DYNLT2B: variants seen among roughly 807,000 people sequenced by gnomAD.
DYNLT2B encodes the protein dynein light chain Tctex-type 2B.
DYNLT2B carries 14 observed loss-of-function variants against 19.5 expected under a neutral mutation model. The observed-to-expected ratio is 0.72, with a 90% CI of 0.47 to 1.12. The LOEUF (loss-of-function observed/expected upper bound fraction) is 1.12. Among genes scored for constraint, DYNLT2B ranks in the 50% most tolerant of loss-of-function variants. The pLI, the probability that DYNLT2B is intolerant of heterozygous loss-of-function variation, is 0.00. For synonymous variants in DYNLT2B, 70 were observed against 59.7 expected (o/e 1.17, Z -0.79); for missense variants, 133 against 174.7 (o/e 0.76, Z 1.35).
chr3:196,310,242 T>C (rs374973934), intron 2 of DYNLT2B, among the ~76,000 whole-genome samples: 140 of 151,150 alleles, frequency 9.3e-4, no homozygotes, highest in African/African-American at 3.0e-3. Context: ...GTTGGGATTA[T>C]AGGCATGCGC....
At chr3:196,305,011 T>C (rs891156247) in intron 3 of DYNLT2B, among the ~76,000 whole-genome samples, 1 of 152,110 alleles carries the variant, frequency 6.6e-6, no homozygotes, top group African/African-American at 2.4e-5. Context: ...GTCTCTCAAG[T>C]AGCTGGGACC....
At chr3:196,297,856 C>T (rs1220173234) in intron 3 of DYNLT2B, among the ~76,000 whole-genome samples, 2 of 151,980 alleles carry the variant, frequency 1.3e-5, no homozygotes, top group African/African-American at 4.8e-5. Flanking sequence ...TATATTGGTT[C>T]TTTTTTTTCC....
Position 196,296,031 on chromosome 3 carries a change from TTGTCAG to T in DYNLT2B, c.350_355del (p.Thr117_Asp118del). 1.2e-6 allele frequency: 2 copies of T among 1,614,080 alleles called. No individual in the cohort carries two copies. The highest frequency in any genetic ancestry group is 1.7e-6 in the Non-Finnish European group (2 of 1,179,972). The stretch of plus-strand genomic sequence containing the variant: ...ATTCATGAAAACATCATGAGTATAG[TTGTCAG>T]TGTCAGCATCCCAGAAACAGCGAGA... On this transcript the variant is annotated inframe_deletion, in exon 4 of 5. Coordinates refer to ENST00000325318, the MANE Select transcript of DYNLT2B (RefSeq NM_152773.5).
At chr3:196,297,152 C>G (rs966286065) in intron 3 of DYNLT2B, among the ~76,000 whole-genome samples, 4 of 151,908 alleles carry the variant, frequency 2.6e-5, no homozygotes, top group Non-Finnish European at 5.9e-5. Context: ...TGCACTCCAG[C>G]CTGGGAGACA....
At chr3:196,291,431 T>C in intron 4 of DYNLT2B, 57 bp from the exon 5 acceptor site, 2 of 1,550,354 alleles carry the variant, frequency 1.3e-6, no homozygotes, top group Non-Finnish European at 1.8e-6. Flanking sequence ...AAAGAGGGAA[T>C]GAGAGCAGCA....
chr3:196,318,142 G>A lies in DYNLT2B; in HGVS notation c.11C>T (p.Ser4Phe), dbSNP rs202097551. MAT[S>F]IGVSFSVGDG... ...GCCCACCGAGAAGGACACTCCGATG[G>A]ACGTGGCCATGCCGGGGCTTCTCGG... The change falls in exon 1 of 5, where the codon TCC becomes TTC. Residue 4 changes from serine to phenylalanine, a missense_variant. By Grantham distance (155) the Ser-to-Phe change is radical. Transcript: ENST00000325318. 854 of 1,536,102 alleles carry A rather than the reference G, an allele frequency of 5.6e-4. 6 individuals carry two copies. The highest frequency in any genetic ancestry group is 2.7e-4 in the Non-Finnish European group (314 of 1,148,392).
chr3:196,303,974 G>A (rs569393312), intron 3 of DYNLT2B, among the ~76,000 whole-genome samples: 13 of 152,208 alleles, frequency 8.5e-5, no homozygotes, highest in Non-Finnish European at 1.0e-4. Flanking sequence ...AGTGAGCCAC[G>A]GTTGCACCAC....
At chr3:196,306,669 C>G (rs938151632) in intron 3 of DYNLT2B, among the ~76,000 whole-genome samples, 3 of 152,142 alleles carry the variant, frequency 2.0e-5, no homozygotes, top group Non-Finnish European at 4.4e-5. Flanking sequence ...CTGCCTCAGC[C>G]TCCTGAGTAG....
At chr3:196,311,024 C>T (rs555347591) in intron 2 of DYNLT2B, among the ~76,000 whole-genome samples, 7 of 152,032 alleles carry the variant, frequency 4.6e-5, no homozygotes, top group Non-Finnish European at 7.4e-5. Flanking sequence ...GTGTGAGCCA[C>T]GGCACCCAGC....
chr3:196,317,104 A>G (rs1214348139), intron 1 of DYNLT2B, among the ~76,000 whole-genome samples: 1 of 123,618 alleles, frequency 8.1e-6, no homozygotes, highest in Non-Finnish European at 1.6e-5. Flanking sequence ...TAGTGATCTT[A>G]CAAACCTGAG....
chr3:196,304,965 T>A (rs2108793994), intron 3 of DYNLT2B, among the ~76,000 whole-genome samples: 1 of 152,270 alleles, frequency 6.6e-6, no homozygotes, highest in South Asian at 2.1e-4. Context: ...TACTGCAGTC[T>A]CAACCTTCCT....
At chr3:196,315,508 G>A (rs1326446780) in intron 2 of DYNLT2B, among the ~76,000 whole-genome samples, 8 of 151,594 alleles carry the variant, frequency 5.3e-5, no homozygotes, top group East Asian at 2.0e-4. Context: ...TGATCCACCC[G>A]CCTCAGCCTC....
intron 1 of DYNLT2B, among the ~76,000 whole-genome samples, chr3:196,317,764 G>A (rs1396002527): frequency 6.6e-6 from 1 of 152,104 alleles, no homozygotes; most frequent in African/African-American, 2.4e-5. Flanking sequence ...ACGCCATCGC[G>A]GGTTTCCCAG....
In DYNLT2B at chr3:196,316,177, CA is replaced by C; in HGVS notation, c.167del (p.Leu56ArgfsTer26). The C allele has an allele frequency of 1.2e-6, 2 of 1,613,794 alleles. No individual in the cohort carries two copies. Among genetic ancestry groups the C allele is most frequent in the African/African-American group, 2.7e-5 (2 of 74,998 alleles). On this transcript the variant is annotated frameshift_variant, in exon 2 of 5. Transcript: ENST00000325318. LOFTEE classifies it high-confidence loss of function. The part of the protein sequence containing the change: ...DCIHAVLKEE[L>X]ANAEYSPEEM... ...CTTCTGGAGAATATTCAGCATTTGCCAGTTCCTCCTTGAGCACAGCATGGAT... is the reference window on the plus strand; with the variant it reads ...CTTCTGGAGAATATTCAGCATTTGCCGTTCCTCCTTGAGCACAGCATGGAT...
In DYNLT2B at chr3:196,297,037, CA is replaced by C. The variant is rs1235283278; in HGVS notation, c.318-969del. On this transcript the variant is annotated intron_variant, in intron 3 of 4. Coordinates refer to ENST00000325318, the MANE Select transcript of DYNLT2B (RefSeq NM_152773.5). ...TGAAACCCCATCTCTACTAAAAATA[CA>C]AAAAATTAGCCAGGCGTGGCGGCAG... Among the ~76,000 whole-genome samples, 6 of 151,330 alleles carry C rather than the reference CA, an allele frequency of 4.0e-5. 1 individual carries two copies. Among genetic ancestry groups the C allele is most frequent in the Non-Finnish European group, 8.8e-5 (6 of 67,892 alleles).
At chr3:196,315,893 T>C (rs909411683) in intron 2 of DYNLT2B, among the ~76,000 whole-genome samples, 1 of 151,960 alleles carries the variant, frequency 6.6e-6, no homozygotes, top group African/African-American at 2.4e-5. Flanking sequence ...AAAATAGACA[T>C]GAGGCCTCAC....
At chr3:196,295,384 C>T (rs1197737442) in intron 4 of DYNLT2B, among the ~76,000 whole-genome samples, 2 of 152,212 alleles carry the variant, frequency 1.3e-5, no homozygotes, top group African/African-American at 4.8e-5. Flanking sequence ...TGGTCTTGAA[C>T]TCCTGACCTC....
chr3:196,310,012 G>A (rs146932473), intron 2 of DYNLT2B, among the ~76,000 whole-genome samples: 395 of 151,574 alleles, frequency 2.6e-3, no homozygotes, highest in African/African-American at 8.9e-3. Context: ...ATCAAGGAAC[G>A]AAGAGTTATT....
intron 2 of DYNLT2B, chr3:196,315,165 A>G (rs1209048302): frequency 7.3e-6 from 3 of 408,322 alleles, no homozygotes; most frequent in Non-Finnish European, 1.4e-5. Context: ...CCAAATAATT[A>G]GAGAAGACAA....
Sources: allele counts gnomAD v4.1 joint callset (sites outside exome capture counted in the v4.1 genomes callset), GRCh38; gene constraint gnomAD v4.1.1; transcripts MANE v1.5; gene names NCBI Gene and HGNC (gene_info 2026-07-23, HGNC 2026-07-21).